LRP1B: variants seen among roughly 807,000 people sequenced by gnomAD.
LRP1B encodes low-density lipoprotein receptor-related protein 1B.
Under a neutral mutation model 556.6 loss-of-function variants are expected in LRP1B, and 217 were observed. That is an observed-to-expected ratio of 0.39 (90% CI 0.35 to 0.44). The LOEUF (loss-of-function observed/expected upper bound fraction) is 0.44. Ranked by LOEUF, LRP1B falls within the 20% of genes least tolerant of loss-of-function variation. The probability of loss-of-function intolerance (pLI) is 1.00; values close to 1 mark genes in which losing one functional copy is unlikely to be tolerated. For synonymous variants in LRP1B, 2,047 were observed against 1,865.8 expected (o/e 1.10, Z -2.50); for missense variants, 5,053 against 5,620.8 (o/e 0.90, Z 3.23).
intron 2 of LRP1B, among the ~76,000 whole-genome samples, chr2:141,809,877 T>C (rs571815409): frequency 7.2e-5 from 11 of 152,124 alleles, no homozygotes; most frequent in African/African-American, 2.6e-4. Flanking sequence ...AGATAATTTA[T>C]TGGGGAAGGT....
At chr2:141,314,786 G>A (rs535998742) in intron 3 of LRP1B, among the ~76,000 whole-genome samples, 10 of 124,262 alleles carry the variant, frequency 8.0e-5, no homozygotes, top group South Asian at 2.7e-4. Flanking sequence ...GTGAGACCCC[G>A]TCTCAAAAGA....
In LRP1B at chr2:141,226,117, TCCC is replaced by T. The variant is rs68176365; in HGVS notation, c.850+3063_850+3065del. Among the ~76,000 whole-genome samples the T allele has an allele frequency of 3.0e-5, 4 of 131,420 alleles. No individual in the cohort carries two copies. In the Admixed American group the frequency reaches 3.1e-4, roughly 10 times the overall value. The allele number at this position is 131,420 out of a possible 152,430, so 86.2% of individuals were successfully genotyped here. A position where few individuals can be genotyped will look rare whatever the true frequency, so the allele number is the denominator to read the frequency against. On this transcript the variant is annotated intron_variant, in intron 6 of 90. Coordinates refer to ENST00000389484, the MANE Select transcript of LRP1B (RefSeq NM_018557.3). Reference sequence around the variant, plus strand: ...ATCTAACTGCTCAGAGTCTCAATTTTCCCCCCCAAAAAAAACCAAAAGAATAAT... The same window carrying T: ...ATCTAACTGCTCAGAGTCTCAATTTTCCCCAAAAAAAACCAAAAGAATAAT...
intron 1 of LRP1B, among the ~76,000 whole-genome samples, chr2:142,083,278 T>C (rs1360096098): frequency 6.6e-6 from 1 of 152,198 alleles, no homozygotes; most frequent in African/African-American, 2.4e-5. Context: ...ATTGTGGCAC[T>C]AGTCCATTGG....
intron 18 of LRP1B, among the ~76,000 whole-genome samples, chr2:140,973,577 G>T (rs1363073136): frequency 6.6e-6 from 1 of 151,996 alleles, no homozygotes. Context: ...GAAAAGCTTA[G>T]GCAGCATGTT....
intron 66 of LRP1B, among the ~76,000 whole-genome samples, chr2:140,431,610 G>C (rs7596992): frequency 6.6e-6 from 1 of 152,052 alleles, no homozygotes; most frequent in South Asian, 2.1e-4. Context: ...CTTTGCTGGC[G>C]GGACTATGCT....
chr2:140,963,555 C>G (rs1558766905), intron 18 of LRP1B, among the ~76,000 whole-genome samples: 1 of 152,114 alleles, frequency 6.6e-6, no homozygotes, highest in Non-Finnish European at 1.5e-5. Context: ...CTGTCAGCAT[C>G]ATAAAGACAG....
intron 43 of LRP1B, among the ~76,000 whole-genome samples, chr2:140,596,284 G>A (rs543615370): frequency 5.3e-5 from 8 of 152,242 alleles, no homozygotes; most frequent in African/African-American, 1.9e-4. Flanking sequence ...ACATAATGGC[G>A]AAAACTATGT....
intron 35 of LRP1B, among the ~76,000 whole-genome samples, chr2:140,742,507 G>A (rs1030772290): frequency 2.6e-5 from 4 of 152,066 alleles, no homozygotes; most frequent in South Asian, 2.1e-4. Flanking sequence ...AACAGACGAC[G>A]AGAAGGAAAC....
intron 2 of LRP1B, among the ~76,000 whole-genome samples, chr2:141,775,798 G>T (rs1005956364): frequency 2.7e-5 from 4 of 150,798 alleles, no homozygotes; most frequent in African/African-American, 9.7e-5. Flanking sequence ...ATATAGAATT[G>T]AGATACTGAA....
chr2:141,533,538 C>T (rs1376027612), intron 2 of LRP1B, among the ~76,000 whole-genome samples: 1 of 152,092 alleles, frequency 6.6e-6, no homozygotes, highest in Admixed American at 6.6e-5. Context: ...GTTTCCTAAA[C>T]TGAATCAACT....
chr2:141,857,062 T>C (rs898951107), intron 1 of LRP1B, among the ~76,000 whole-genome samples: 1 of 152,144 alleles, frequency 6.6e-6, no homozygotes, highest in Non-Finnish European at 1.5e-5. Context: ...AGAAGCCATA[T>C]ATAAATCACT....
intron 1 of LRP1B, among the ~76,000 whole-genome samples, chr2:142,070,967 A>G (rs1167160453): frequency 6.6e-6 from 1 of 151,852 alleles, no homozygotes; most frequent in African/African-American, 2.4e-5. Flanking sequence ...CATTCACCAA[A>G]TTATCTTTAT....
intron 86 of LRP1B, among the ~76,000 whole-genome samples, chr2:140,247,620 C>A (rs1308862018): frequency 6.6e-6 from 1 of 151,520 alleles, no homozygotes; most frequent in Non-Finnish European, 1.5e-5. Flanking sequence ...TCTTATAGTT[C>A]AAGCTGTGGA....
chr2:141,346,121 G>T (rs1319859399), intron 3 of LRP1B, among the ~76,000 whole-genome samples: 3 of 151,634 alleles, frequency 2.0e-5, no homozygotes. Context: ...TCCACCAATT[G>T]TCTTTTTCTT....
At chr2:140,398,270 A>G (rs1684340151) in intron 66 of LRP1B, among the ~76,000 whole-genome samples, 2 of 152,158 alleles carry the variant, frequency 1.3e-5, no homozygotes, top group South Asian at 4.1e-4. Context: ...TTAGATAAAC[A>G]TTACTAAATA....
At chr2:142,110,220 A>T (rs938522769) in intron 1 of LRP1B, among the ~76,000 whole-genome samples, 7 of 152,188 alleles carry the variant, frequency 4.6e-5, no homozygotes, top group African/African-American at 1.7e-4. Flanking sequence ...TATGGAGCAT[A>T]AAAAGTAAAA....
intron 41 of LRP1B, among the ~76,000 whole-genome samples, chr2:140,686,992 A>T (rs1172209944): frequency 6.6e-6 from 1 of 152,156 alleles, no homozygotes; most frequent in East Asian, 1.9e-4. Context: ...CAGAATAATG[A>T]TTACAGGATG....
intron 83 of LRP1B, among the ~76,000 whole-genome samples, chr2:140,309,142 C>T (rs1684188668): frequency 6.6e-6 from 1 of 151,784 alleles, no homozygotes; most frequent in East Asian, 1.9e-4. Flanking sequence ...TGAGTGTCCA[C>T]TTATAAATAA....
chr2:140,244,232 T>C (rs886867876), intron 87 of LRP1B, among the ~76,000 whole-genome samples: 1 of 151,234 alleles, frequency 6.6e-6, no homozygotes, highest in African/African-American at 2.4e-5. Context: ...TAATTCCTGG[T>C]ATAATATAAC....
Sources: allele counts gnomAD v4.1 joint callset (sites outside exome capture counted in the v4.1 genomes callset), GRCh38; gene constraint gnomAD v4.1.1; transcripts MANE v1.5; gene names NCBI Gene and HGNC (gene_info 2026-07-23, HGNC 2026-07-21).